Variants in PRDM9 observed in about 807,000 individuals in gnomAD.
PRDM9 encodes histone-lysine N-methyltransferase PRDM9.
In PRDM9, 47 loss-of-function variants were observed where a neutral mutation model predicts 55.6. The observed-to-expected ratio is 0.85, with a 90% CI of 0.67 to 1.08. The LOEUF (loss-of-function observed/expected upper bound fraction) is 1.08, where lower values mean the gene tolerates loss of function less well. Among genes scored for constraint, PRDM9 ranks in the 50% least tolerant of loss-of-function variants. PRDM9 has a pLI of 0.00. For missense variants in PRDM9, 867 were observed against 1,040.3 expected, an observed-to-expected ratio of 0.83 and a Z score of 2.29; for synonymous variants, 312 against 375.7, an observed-to-expected ratio of 0.83 and a Z score of 1.96.
chr5:23,526,350 C>G lies in PRDM9; in HGVS notation c.1262C>G (p.Ala421Gly). ...HSSQNFPGPS[A>G]RKLLQPENPC... The stretch of plus-strand genomic sequence containing the variant: ...TCTCAGAACTTCCCAGGACCATCTG[C>G]AAGAAAACTCCTCCAACCAGAGAAT... The change falls in exon 11 of 11, where the codon GCA becomes GGA. Residue 421 changes from alanine to glycine, a missense_variant. By Grantham distance (60) the Ala-to-Gly change is moderately conservative. Around this residue, in one of 5 missense-constraint regions of PRDM9, gnomAD observed 662 missense variants for 711.9 expected, o/e 0.93. Coordinates refer to ENST00000296682, the MANE Select transcript of PRDM9 (RefSeq NM_020227.4). The G allele has an allele frequency of 6.2e-7, 1 of 1,614,176 alleles. No individual in the cohort carries two copies. Among genetic ancestry groups the G allele is most frequent in the Non-Finnish European group, 8.5e-7 (1 of 1,180,036 alleles).
Position 23,522,608 on chromosome 5 carries a change from T to G in PRDM9, c.611-6T>G. The G allele has an allele frequency of 6.2e-7, 1 of 1,614,240 alleles. No homozygotes were observed. The highest frequency in any genetic ancestry group is 1.1e-5 in the South Asian group (1 of 91,088). On this transcript the variant is annotated splice_region_variant and splice_polypyrimidine_tract_variant and intron_variant, in intron 7 of 10. Transcript: ENST00000296682. Reference sequence around the variant, plus strand: ...CTTTCCTAATCTCTGCTTCCCTCACTTCCAGATTGTGAGATGTGTCAGAAC... The same window carrying G: ...CTTTCCTAATCTCTGCTTCCCTCACGTCCAGATTGTGAGATGTGTCAGAAC...
At position 23,510,962 on chromosome 5, in the gene PRDM9, A is replaced by G. The variant is rs139754603; in HGVS notation, c.301+935A>G. 7.8e-3 allele frequency among the ~76,000 whole-genome samples: 1,176 copies of G among 151,406 alleles called. 24 individuals are homozygous for G. Among genetic ancestry groups the G allele is most frequent in the African/African-American group, 0.027 (1,119 of 41,280 alleles). On this transcript the variant is annotated intron_variant, in intron 4 of 10. Coordinates refer to ENST00000296682, the MANE Select transcript of PRDM9 (RefSeq NM_020227.4). The stretch of plus-strand genomic sequence containing the variant: ...GGAGTTTGAGACAAGCCTGGCCAAC[A>G]TGGTGAAACTCCGTCTCCACTAAAA...
chr5:23,509,899 A>C, intron 3 of PRDM9, 21 bp from the exon 4 acceptor site: 1 of 1,613,932 alleles, frequency 6.2e-7, no homozygotes, highest in Non-Finnish European at 8.5e-7. Context: ...ATTTTAGAAC[A>C]AAATTTTTGC....
rs552008353 is a variant in PRDM9, at chr5:23,509,024, T to A, written c.-10T>A. The A allele has an allele frequency of 5.6e-6, 9 of 1,613,780 alleles. No homozygotes were observed. The highest frequency in any genetic ancestry group is 7.6e-6 in the Non-Finnish European group (9 of 1,179,872). ...AATTGGAGCAGGGCCTTCTAGACAGTCCCAGCACCATGAGCCCTGAAAAGT... is the reference window on the plus strand; with the variant it reads ...AATTGGAGCAGGGCCTTCTAGACAGACCCAGCACCATGAGCCCTGAAAAGT... On this transcript the variant is annotated 5_prime_UTR_variant, in exon 2 of 11. Coordinates refer to ENST00000296682, the MANE Select transcript of PRDM9 (RefSeq NM_020227.4).
chr5:23,514,337 C>T (rs1283583900), intron 4 of PRDM9, among the ~76,000 whole-genome samples: 1 of 152,128 alleles, frequency 6.6e-6, no homozygotes, highest in Non-Finnish European at 1.5e-5. Context: ...GGGGTCTCTT[C>T]CTGACTTGTG....
rs1416981223 is a variant in PRDM9, at chr5:23,524,302, C to T, written c.951-32C>T. 1.9e-6 allele frequency: 3 copies of T among 1,610,600 alleles called. No homozygotes were observed. The Admixed American group carries it at 5.0e-5, about 27-fold the overall frequency. ...ATCTGATACTGGGAACTCACTGCCT[C>T]TTTTCTTTCCCTTTGCCTGCCTTGA... On this transcript the variant is annotated intron_variant, in intron 9 of 10. Transcript: ENST00000296682.
chr5:23,520,998 T>G, intron 5 of PRDM9, 25 bp from the exon 6 acceptor site: 3 of 1,613,198 alleles, frequency 1.9e-6, no homozygotes, highest in Non-Finnish European at 2.5e-6. Flanking sequence ...GTGTTGTCTT[T>G]TAATATGTGA....
Position 23,527,732 on chromosome 5 carries a change from C to T in PRDM9, c.2644C>T (p.His882Tyr), listed in dbSNP as rs377558621. The T allele has an allele frequency of 2.6e-5, 42 of 1,613,378 alleles. No individual in the cohort carries two copies. The highest frequency in any genetic ancestry group is 3.1e-5 in the Non-Finnish European group (36 of 1,179,768). ...AAGCCTCTGCTATCACCAGAGGACA[C>T]ACACAGGGGAGAAGCCCTACGTCTG... is the stretch of plus-strand genomic sequence containing the variant. ...RSSLCYHQRT[H>Y]TGEKPYVCRE... is the part of the protein sequence containing the mutation. The change falls in exon 11 of 11, where the codon CAC becomes TAC. Residue 882 changes from histidine to tyrosine, a missense_variant. His to Tyr is a moderately conservative substitution (Grantham distance 83). Coordinates refer to ENST00000296682, the MANE Select transcript of PRDM9 (RefSeq NM_020227.4).
At position 23,527,581 on chromosome 5, in the gene PRDM9, C is replaced by G. The variant is rs1435235056; in HGVS notation, c.2493C>G (p.Pro831=). The G allele has an allele frequency of 2.6e-6, 4 of 1,542,832 alleles. No homozygotes were observed. Among genetic ancestry groups the G allele is most frequent in the Non-Finnish European group, 3.5e-6 (4 of 1,146,992 alleles). Residue 831 remains proline, a synonymous_variant, in exon 11 of 11, where the codon CCC becomes CCG. Coordinates refer to ENST00000296682, the MANE Select transcript of PRDM9 (RefSeq NM_020227.4). ...AGAGGACACACACAGGGGAGAAGCC[C>G]TATGTCTGCAGGGAGTGTGGGCGGG... ...RHQRTHTGEK[P]YVCRECGRGF... is the part of the protein sequence containing the mutation.
intron 8 of PRDM9, 47 bp from the exon 9 acceptor site, chr5:23,523,244 G>A: frequency 6.3e-7 from 1 of 1,582,538 alleles, no homozygotes; most frequent in Non-Finnish European, 8.7e-7. Flanking sequence ...TAATTCTTCT[G>A]ATTTTTACCC....
intron 4 of PRDM9, among the ~76,000 whole-genome samples, chr5:23,515,994 AGTCCT>A (rs1477228987): frequency 1.3e-5 from 2 of 152,212 alleles, no homozygotes; most frequent in African/African-American, 4.8e-5. Flanking sequence ...AGCTATTCTG[AGTCCT>A]TAGAGATTCT....
At chr5:23,516,442 G>A (rs531396168) in intron 4 of PRDM9, among the ~76,000 whole-genome samples, 16 of 151,636 alleles carry the variant, frequency 1.1e-4, no homozygotes, top group African/African-American at 1.7e-4. Context: ...GCGTGATATC[G>A]GCTCACTGCA....
chr5:23,523,455 C>A, intron 9 of PRDM9, 97 bp downstream of exon 9: 1 of 1,299,532 alleles, frequency 7.7e-7, no homozygotes, highest in Non-Finnish European at 1.1e-6. Flanking sequence ...ATGATTTTCA[C>A]ATTCCCTATT....
intron 1 of PRDM9, among the ~76,000 whole-genome samples, chr5:23,508,533 T>C (rs1275176942): frequency 6.6e-6 from 1 of 152,132 alleles, no homozygotes; most frequent in African/African-American, 2.4e-5. Context: ...AAATCCTGTC[T>C]ATGCGAAATG....
rs769195294 is a variant in PRDM9, at chr5:23,522,362, T to C, written c.567T>C (p.His189=). 1.9e-6 allele frequency: 3 copies of C among 1,614,028 alleles called. No homozygotes were observed. Among genetic ancestry groups the C allele is most frequent in the Admixed American group, 3.3e-5 (2 of 59,996 alleles). The change falls in exon 7 of 11, where the codon CAT becomes CAC. Residue 189 remains histidine, a synonymous_variant. Coordinates refer to ENST00000296682, the MANE Select transcript of PRDM9 (RefSeq NM_020227.4). Reference sequence around the variant, plus strand: ...ATAGCCTGCGAGAAAGAAAGGGTCATGCATACAAAGAGGTCAGCGAGCCGC... The same window carrying C: ...ATAGCCTGCGAGAAAGAAAGGGTCACGCATACAAAGAGGTCAGCGAGCCGC... The part of the protein sequence containing the change: ...KMYSLRERKG[H]AYKEVSEPQD...
At chr5:23,512,167 T>C (rs1009529612) in intron 4 of PRDM9, among the ~76,000 whole-genome samples, 13 of 152,230 alleles carry the variant, frequency 8.5e-5, no homozygotes, top group African/African-American at 2.9e-4. Flanking sequence ...TCATACTATA[T>C]GATCCTCTTA....
chr5:23,517,945 A>G lies in PRDM9; in HGVS notation c.351+15A>G. 1.3e-6 allele frequency: 2 copies of G among 1,574,242 alleles called. No homozygotes were observed. The highest frequency in any genetic ancestry group is 1.1e-5 in the South Asian group (1 of 90,228). On this transcript the variant is annotated intron_variant, in intron 5 of 10. Transcript: ENST00000296682. Reference sequence around the variant, plus strand: ...AACACCAGAAGGTAAGTATTTCCCAAATCCTATTGACAAGAAACCTTCCTC... The same window carrying G: ...AACACCAGAAGGTAAGTATTTCCCAGATCCTATTGACAAGAAACCTTCCTC...
intron 4 of PRDM9, among the ~76,000 whole-genome samples, chr5:23,515,088 C>T (rs901833464): frequency 4.6e-5 from 7 of 151,972 alleles, no homozygotes; most frequent in Admixed American, 2.0e-4. Flanking sequence ...CTCAGCCTCC[C>T]GAGTAGCTGG....
Position 23,526,944 on chromosome 5 carries a change from G to A in PRDM9, c.1856G>A (p.Arg619Gln), listed in dbSNP as rs1410684355. 7.1e-6 allele frequency: 11 copies of A among 1,542,708 alleles called. No homozygotes were observed. Among genetic ancestry groups the A allele is most frequent in the East Asian group, 2.3e-5 (1 of 42,998 alleles). Residue 619 changes from arginine to glutamine, a missense_variant, in exon 11 of 11, where the codon CGG becomes CAG. Arg to Gln is a conservative substitution (Grantham distance 43). Transcript: ENST00000296682. The stretch of plus-strand genomic sequence containing the variant: ...AGGGAGTGTGGGCGGGGCTTTAGCC[G>A]GCAGTCAGTCCTCCTCACTCACCAG... Reference protein sequence around the residue: ...VCRECGRGFSRQSVLLTHQRR... With the variant: ...VCRECGRGFSQQSVLLTHQRR...
Sources: allele counts gnomAD v4.1 joint callset (sites outside exome capture counted in the v4.1 genomes callset), GRCh38; gene constraint gnomAD v4.1.1; regional missense constraint gnomAD v4.1.1; transcripts MANE v1.5; gene names NCBI Gene and HGNC (gene_info 2026-07-23, HGNC 2026-07-21).